The following ARHGEF33 variants were observed in gnomAD, a reference collection of about 807,000 sequenced individuals.
ARHGEF33 encodes DH and coiled-coil domain-containing protein ENSP00000381780.
Under a neutral mutation model 101.9 loss-of-function variants are expected in ARHGEF33, and 72 were observed. That is an observed-to-expected ratio of 0.71 (90% CI 0.58 to 0.86). The LOEUF is 0.86. Among genes scored for constraint, ARHGEF33 ranks in the 40% least tolerant of loss-of-function variants. The pLI is 0.00. For missense variants in ARHGEF33, 1,169 were observed against 1,111.3 expected (o/e 1.05, Z -0.74); for synonymous variants, 499 against 442.5 (o/e 1.13, Z -1.60).
chr2:38,894,525 C>A (rs192317154), intron 1 of ARHGEF33, among the ~76,000 whole-genome samples: 12 of 152,248 alleles, frequency 7.9e-5, no homozygotes, highest in African/African-American at 2.6e-4. Context: ...CAAAGGTAGG[C>A]AGTCTAGTGC....
intron 4 of ARHGEF33, among the ~76,000 whole-genome samples, chr2:38,927,978 G>A (rs1039313822): frequency 6.6e-5 from 10 of 152,102 alleles, no homozygotes; most frequent in African/African-American, 9.7e-5. Flanking sequence ...CCACCTAAAG[G>A]GGGAGAAGAA....
chr2:38,893,105 C>G (rs1412124636), intron 1 of ARHGEF33, among the ~76,000 whole-genome samples: 1 of 152,070 alleles, frequency 6.6e-6, no homozygotes, highest in Non-Finnish European at 1.5e-5. Context: ...CTTCTTTGCT[C>G]CCTAGGGTTC....
intron 13 of ARHGEF33, among the ~76,000 whole-genome samples, chr2:38,955,617 G>A (rs1294541819): frequency 7.0e-6 from 1 of 143,606 alleles, no homozygotes; most frequent in African/African-American, 2.5e-5. Context: ...CTCCCACCTC[G>A]GCCTCCTGAG....
rs150926197 is a variant in ARHGEF33 at position 38,904,471 on chromosome 2, T to C, written c.-86+8622T>C. On this transcript the variant is annotated intron_variant, in intron 2 of 17. Coordinates refer to ENST00000409978, the MANE Select transcript of ARHGEF33 (RefSeq NM_001145451.5). ...CTGTAATCCCAGCACTTTGGGTGGC[T>C]GAGGCAGGCAGATCACCTGAGGTCA... Among the ~76,000 whole-genome samples the C allele has an allele frequency of 9.1e-3, 1,378 of 152,120 alleles. 10 individuals are homozygous for C. The highest frequency in any genetic ancestry group is 0.018 in the South Asian group (86 of 4,814).
chr2:38,901,680 C>G (rs773146709), intron 2 of ARHGEF33, among the ~76,000 whole-genome samples: 1 of 152,172 alleles, frequency 6.6e-6, no homozygotes, highest in Admixed American at 6.5e-5. Context: ...GTCTTACGGT[C>G]GTTCCAGAGA....
Position 38,960,185 on chromosome 2 carries a change from C to T in ARHGEF33, c.1880C>T (p.Ala627Val). Residue 627 changes from alanine to valine, a missense_variant, in exon 16 of 18, where the codon GCG (alanine) becomes GTG (valine). Coordinates refer to ENST00000409978, the MANE Select transcript of ARHGEF33 (RefSeq NM_001145451.5). Reference sequence around the variant, plus strand: ...GGCGGCGAGATCTTCGCGCTGCCCGCGCCCTACGACGAGGAGCCGTTCCAG... The same window carrying T: ...GGCGGCGAGATCTTCGCGCTGCCCGTGCCCTACGACGAGGAGCCGTTCCAG... ...EYGGEIFALPAPYDEEPFQAP... is the reference protein window; with the variant it reads ...EYGGEIFALPVPYDEEPFQAP... 6.5e-7 allele frequency: 1 copy of T among 1,543,810 alleles called. No individual in the cohort carries two copies. The highest frequency in any genetic ancestry group is 8.7e-7 in the Non-Finnish European group (1 of 1,144,480).
intron 2 of ARHGEF33, among the ~76,000 whole-genome samples, chr2:38,902,941 C>G (rs1235985772): frequency 6.6e-6 from 1 of 152,132 alleles, no homozygotes; most frequent in Non-Finnish European, 1.5e-5. Context: ...AAGTGACATT[C>G]AAGCAGAGAC....
intron 2 of ARHGEF33, among the ~76,000 whole-genome samples, chr2:38,905,627 G>A (rs1666371305): frequency 6.6e-6 from 1 of 152,208 alleles, no homozygotes; most frequent in African/African-American, 2.4e-5. Context: ...GCCAGCAGGT[G>A]CCCTGCCTTC....
intron 13 of ARHGEF33, among the ~76,000 whole-genome samples, chr2:38,955,028 A>T (rs1667704842): frequency 6.6e-6 from 1 of 152,172 alleles, no homozygotes; most frequent in Admixed American, 6.5e-5. Context: ...CTGATCCAGG[A>T]TCTTTCTAGA....
intron 17 of ARHGEF33, 119 bp downstream of exon 17, chr2:38,966,264 G>T: frequency 7.7e-7 from 1 of 1,302,160 alleles, no homozygotes; most frequent in Non-Finnish European, 1.0e-6. Flanking sequence ...CAAGTACAGT[G>T]CCTGCACCCA....
intron 11 of ARHGEF33, among the ~76,000 whole-genome samples, chr2:38,951,666 T>C (rs1667610141): frequency 6.6e-6 from 1 of 152,008 alleles, no homozygotes; most frequent in Admixed American, 6.6e-5. Context: ...TGTATATATA[T>C]ACACAAATAT....
At chr2:38,894,444 T>C (rs987472773) in intron 1 of ARHGEF33, among the ~76,000 whole-genome samples, 2 of 145,258 alleles carry the variant, frequency 1.4e-5, no homozygotes, top group African/African-American at 5.0e-5. Context: ...AGAATAATAA[T>C]AGAGGCTTAA....
At chr2:38,901,196 A>G (rs1483653746) in intron 2 of ARHGEF33, among the ~76,000 whole-genome samples, 1 of 152,228 alleles carries the variant, frequency 6.6e-6, no homozygotes, top group Admixed American at 6.5e-5. Context: ...TAAAACTGCC[A>G]GAAAGAAGCA....
At chr2:38,902,142 A>G (rs1666259329) in intron 2 of ARHGEF33, among the ~76,000 whole-genome samples, 3 of 151,668 alleles carry the variant, frequency 2.0e-5, no homozygotes, top group East Asian at 3.9e-4. Context: ...AAGAAAAAAA[A>G]AAAAAAAAAA....
At chr2:38,970,541 A>G (rs1046999685) in intron 17 of ARHGEF33, among the ~76,000 whole-genome samples, 4 of 152,198 alleles carry the variant, frequency 2.6e-5, no homozygotes, top group African/African-American at 4.8e-5. Context: ...AGGGGTAAAC[A>G]TTTTAGATTA....
chr2:38,953,957 T>G (rs1377366338), intron 12 of ARHGEF33, among the ~76,000 whole-genome samples: 1 of 152,206 alleles, frequency 6.6e-6, no homozygotes, highest in Non-Finnish European at 1.5e-5. Context: ...CTAACTAGGT[T>G]CTAATGACAC....
chr2:38,913,797 CA>C, intron 2 of ARHGEF33, among the ~76,000 whole-genome samples: 1 of 150,480 alleles, frequency 6.6e-6, no homozygotes, highest in Middle Eastern at 3.4e-3. Flanking sequence ...AAGAATATTT[CA>C]ATAGCAAAAG....
At chr2:38,902,288 G>A (rs1299174736) in intron 2 of ARHGEF33, among the ~76,000 whole-genome samples, 1 of 152,190 alleles carries the variant, frequency 6.6e-6, no homozygotes, top group Non-Finnish European at 1.5e-5. Context: ...AGGCAGTGAG[G>A]TTGATATATT....
At position 38,954,470 on chromosome 2, in the gene ARHGEF33, G is replaced by A; in HGVS notation, c.1221+14G>A. 6.6e-7 allele frequency: 1 copy of A among 1,519,972 alleles called. No homozygotes were observed. The highest frequency in any genetic ancestry group is 8.9e-7 in the Non-Finnish European group (1 of 1,118,268). 94.2% of individuals were successfully genotyped at this position (1,519,972 alleles called of 1,614,324 possible). ...ATACATCTGCAGGTAGGCATGGGTG[G>A]GAAAGCCACCAAACTGATTTGCATG... is the stretch of plus-strand genomic sequence containing the variant. On this transcript the variant is annotated intron_variant, in intron 13 of 17. Transcript: ENST00000409978.
Sources: allele counts gnomAD v4.1 joint callset (sites outside exome capture counted in the v4.1 genomes callset), GRCh38; gene constraint gnomAD v4.1.1; transcripts MANE v1.5; gene names NCBI Gene and HGNC (gene_info 2026-07-23, HGNC 2026-07-21).